The following WDR18 variants were observed in gnomAD, a reference collection of about 807,000 sequenced individuals.
WDR18 encodes the protein WD repeat domain 18, also known as WD repeat-containing protein 18.
In WDR18, 33 loss-of-function variants were observed where a neutral mutation model predicts 49.6. The observed-to-expected ratio is 0.67, with a 90% CI of 0.50 to 0.89. WDR18 has a LOEUF of 0.89. WDR18 is among the 40% of genes least tolerant of loss of function. The probability of loss-of-function intolerance (pLI) is 0.00; values close to 1 mark genes in which losing one functional copy is unlikely to be tolerated. For missense variants in WDR18, 653 were observed against 593.6 expected, an observed-to-expected ratio of 1.10 and a Z score of -1.04; for synonymous variants, 315 against 263.6, an observed-to-expected ratio of 1.19 and a Z score of -1.89.
chr19:992,014 A>C lies in WDR18; in HGVS notation c.991A>C (p.Arg331=). Residue 331 remains arginine (R), a synonymous_variant, in exon 8 of 10, where the codon AGG becomes CGG. Transcript: ENST00000585809. ...APVSMLSSDF[R]PSLPLPHFNK... Reference sequence around the variant, plus strand: ...CGTCAGCATGCTGAGCTCAGACTTCAGGCCCAGCCTGCCGCTGCCCCACTT... The same window carrying C: ...CGTCAGCATGCTGAGCTCAGACTTCCGGCCCAGCCTGCCGCTGCCCCACTT... 1.3e-6 allele frequency: 2 copies of C among 1,596,054 alleles called. No individual in the cohort carries two copies. The highest frequency in any genetic ancestry group is 1.7e-6 in the Non-Finnish European group (2 of 1,175,314).
Position 989,823 on chromosome 19 carries a change from A to G in WDR18, c.383A>G (p.Gln128Arg), listed in dbSNP as rs764890884. 1 of 1,612,512 alleles carries G rather than the reference A, an allele frequency of 6.2e-7. No individual in the cohort carries two copies. Among genetic ancestry groups the G allele is most frequent in the African/African-American group, 1.3e-5 (1 of 74,874 alleles). The change falls in exon 3 of 10, where the codon CAG (glutamine) becomes CGG (arginine). Residue 128 changes from glutamine (Q) to arginine (R), a missense_variant. Gln to Arg is a conservative substitution (Grantham distance 43, BLOSUM62 1). Transcript: ENST00000585809. ...CACTACCAGGACGTCTCCTGCCTTCAGTTCACAGGGGACAGCAGCCACTTC... is the reference window on the plus strand; with the variant it reads ...CACTACCAGGACGTCTCCTGCCTTCGGTTCACAGGGGACAGCAGCCACTTC... ...SRHYQDVSCL[Q>R]FTGDSSHFIS...
intron 8 of WDR18, among the ~76,000 whole-genome samples, chr19:993,347 G>T (rs1036327778): frequency 2.6e-5 from 4 of 152,242 alleles, no homozygotes; most frequent in African/African-American, 9.6e-5. Context: ...GTTGGCCACA[G>T]TGGGATTCCG....
chr19:984,359 G>A lies in WDR18; in HGVS notation c.6G>A (p.Ala2=), dbSNP rs367633673. 13 of 1,590,264 alleles carry A rather than the reference G, an allele frequency of 8.2e-6. No individual in the cohort carries two copies. Among genetic ancestry groups the A allele is most frequent in the Non-Finnish European group, 9.4e-6 (11 of 1,170,688 alleles). The part of the protein sequence containing the change: M[A]APMEVAVCTD... The stretch of plus-strand genomic sequence containing the variant: ...GGGGCGGTGGGGAAGGCAAGATGGC[G>A]GCGCCCATGGAGGTGGCCGTGTGTA... The change falls in exon 1 of 10, where the codon GCG becomes GCA. Residue 2 remains alanine (A), a synonymous_variant. Transcript: ENST00000585809.
rs573446881 is a variant in WDR18 at position 988,528 on chromosome 19, G to A, written c.322-1234G>A. Among the ~76,000 whole-genome samples the A allele has an allele frequency of 6.8e-4, 104 of 152,336 alleles. 2 individuals are homozygous for A. In the South Asian group the frequency reaches 0.019, roughly 28 times the overall value. On this transcript the variant is annotated intron_variant, in intron 2 of 9. Transcript: ENST00000585809. Reference sequence around the variant, plus strand: ...CCTGGGTTTTGCATGCGAGGAAAGCGAGGCCCAGAGAGGGCATGGCTGTCA... The same window carrying A: ...CCTGGGTTTTGCATGCGAGGAAAGCAAGGCCCAGAGAGGGCATGGCTGTCA...
At chr19:991,906 G>C in intron 7 of WDR18, 49 bp from the exon 8 acceptor site, 1 of 1,454,084 alleles carries the variant, frequency 6.9e-7, no homozygotes, top group South Asian at 1.4e-5. Context: ...CTTGCTGTGG[G>C]GTGGGGCCTG....
upstream of WDR18, chr19:984,124 T>G: frequency 2.0e-6 from 1 of 490,642 alleles, no homozygotes; most frequent in Non-Finnish European, 3.5e-6. Flanking sequence ...CCGGAGACCC[T>G]GGGCCTTGGA....
At chr19:986,764 G>C (rs1204526383) in intron 2 of WDR18, among the ~76,000 whole-genome samples, 1 of 152,250 alleles carries the variant, frequency 6.6e-6, no homozygotes, top group Non-Finnish European at 1.5e-5. Context: ...GCACAGAGAT[G>C]TGCCAGGGAG....
rs71174337 is a variant in WDR18 at position 987,829 on chromosome 19, G to GTTTTTTTTT, written c.321+1869_321+1877dup. On this transcript the variant is annotated intron_variant, in intron 2 of 9. Transcript: ENST00000585809. Reference sequence around the variant, plus strand: ...ACCCCTGCTCCCCTAGCCGCCTCCAGTTTTTTTTTTTTTTTTTTTTTTTCA... The same window carrying GTTTTTTTTT: ...ACCCCTGCTCCCCTAGCCGCCTCCAGTTTTTTTTTTTTTTTTTTTTTTTTTTTTTTTTCA... Among the ~76,000 whole-genome samples the GTTTTTTTTT allele has an allele frequency of 3.7e-4, 34 of 91,816 alleles. 7 individuals are homozygous for GTTTTTTTTT. Among genetic ancestry groups the GTTTTTTTTT allele is most frequent in the African/African-American group, 1.4e-3 (26 of 18,908 alleles). The allele number at this position is 91,816 out of a possible 152,430, so 60.2% of individuals were successfully genotyped here. A position where few individuals can be genotyped will look rare whatever the true frequency, so the allele number is the denominator to read the frequency against.
Position 990,996 on chromosome 19 carries a change from G to A in WDR18, c.741+1G>A. On this transcript the variant is annotated splice_donor_variant, in intron 5 of 9. Transcript: ENST00000585809. LOFTEE classifies it high-confidence loss of function. ...CTTCCAGGTCGACCTCTTCACCTGG[G>A]TGAGTGCCGCGGTCTGCGGGCTGCA... 6.2e-7 allele frequency: 1 copy of A among 1,607,176 alleles called. No homozygotes were observed. Among genetic ancestry groups the A allele is most frequent in the South Asian group, 1.1e-5 (1 of 90,164 alleles).
chr19:991,395 A>G (rs750354845), intron 7 of WDR18, 44 bp downstream of exon 7: 182 of 1,487,092 alleles, frequency 1.2e-4, no homozygotes, highest in Non-Finnish European at 1.6e-4. Flanking sequence ...CGCAGGGGAA[A>G]AAGCCAGCAG....
chr19:984,279 C>A, upstream of WDR18: 2 of 1,380,222 alleles, frequency 1.4e-6, no homozygotes, highest in African/African-American at 1.5e-5. Flanking sequence ...GCGGGGCCGC[C>A]GCTCTGGCCC....
At chr19:989,077 C>G (rs3815166) in intron 2 of WDR18, among the ~76,000 whole-genome samples, 4 of 33,298 alleles carry the variant, frequency 1.2e-4, no homozygotes, top group African/African-American at 2.4e-4. Flanking sequence ...CTTCTCAGCC[C>G]TCGAACCCAC....
chr19:987,564 C>A (rs1441711858), intron 2 of WDR18, among the ~76,000 whole-genome samples: 1 of 151,892 alleles, frequency 6.6e-6, no homozygotes, highest in Non-Finnish European at 1.5e-5. Context: ...AAGGCTTTTA[C>A]ATCTCACTCC....
upstream of WDR18, chr19:984,171 G>A (rs1298117601): frequency 3.1e-6 from 2 of 639,960 alleles, no homozygotes; most frequent in Non-Finnish European, 4.9e-6. Flanking sequence ...CAGGCCGCGC[G>A]ACCCTCGAGT....
intron 1 of WDR18, among the ~76,000 whole-genome samples, chr19:984,835 G>A (rs1568383402): frequency 6.6e-6 from 1 of 152,154 alleles, no homozygotes; most frequent in Non-Finnish European, 1.5e-5. Context: ...GTCCCTTGGG[G>A]CAATTGCGCA....
chr19:989,643 G>T, intron 2 of WDR18, 119 bp from the exon 3 acceptor site: 1 of 1,422,236 alleles, frequency 7.0e-7, no homozygotes, highest in Non-Finnish European at 9.5e-7. Context: ...CTGGGGCAGG[G>T]CAGGCAGGGG....
Position 990,884 on chromosome 19 carries a change from C to T in WDR18, c.630C>T (p.Leu210=), listed in dbSNP as rs773556625. The change falls in exon 5 of 10, where the codon CTC becomes CTT. Residue 210 remains leucine, a synonymous_variant. Coordinates refer to ENST00000585809, the MANE Select transcript of WDR18 (RefSeq NM_024100.4). ...LWEVSSGELL[L]SVLFDVSIMA... is the part of the protein sequence containing the mutation. ...AGGTCTCCTCGGGGGAGCTGCTGCTCTCCGTCCTCTTTGACGTGTCCATCA... is the reference window on the plus strand; with the variant it reads ...AGGTCTCCTCGGGGGAGCTGCTGCTTTCCGTCCTCTTTGACGTGTCCATCA... 6 of 1,612,170 alleles carry T rather than the reference C, an allele frequency of 3.7e-6. No homozygotes were observed. The highest frequency in any genetic ancestry group is 5.1e-6 in the Non-Finnish European group (6 of 1,179,626).
chr19:986,115 C>T, intron 2 of WDR18, 140 bp downstream of exon 2: 3 of 718,912 alleles, frequency 4.2e-6, no homozygotes, highest in South Asian at 3.5e-5. Context: ...TAAGCTTCAC[C>T]CTGCTGCCTC....
Position 992,031 on chromosome 19 carries a change from GC to G in WDR18, c.1012del (p.His338ThrfsTer65). On this transcript the variant is annotated frameshift_variant, in exon 8 of 10. Transcript: ENST00000585809. LOFTEE classifies it high-confidence loss of function. ...SSDFRPSLPL[P>X]HFNKHLLGAE... The stretch of plus-strand genomic sequence containing the variant: ...CAGACTTCAGGCCCAGCCTGCCGCT[GC>G]CCCACTTCAACAAGCACCTGCTGGG... 6.3e-7 allele frequency: 1 copy of G among 1,592,838 alleles called. No individual in the cohort carries two copies. The highest frequency in any genetic ancestry group is 8.5e-7 in the Non-Finnish European group (1 of 1,173,796).
Sources: gnomAD v4.1 joint callset for allele counts (sites outside exome capture counted in the v4.1 genomes callset) on GRCh38, gnomAD v4.1.1 for gene constraint, MANE v1.5 for transcripts, NCBI Gene and HGNC (gene_info 2026-07-23, HGNC 2026-07-21) for gene names.